Variants in VPS13A observed in about 807,000 individuals in gnomAD.
VPS13A encodes intermembrane lipid transfer protein VPS13A.
A neutral mutation model predicts 390.9 loss-of-function variants in VPS13A; 264 were observed. The observed-to-expected ratio is 0.68, with a 90% CI of 0.61 to 0.75. The LOEUF is 0.75. Ranked by LOEUF, VPS13A falls within the 30% of genes least tolerant of loss-of-function variation. The pLI is 0.00. For synonymous variants in VPS13A, 1,231 were observed against 1,227.1 expected, an observed-to-expected ratio of 1.00 and a Z score of -0.07; for missense variants, 3,409 against 3,733.9, an observed-to-expected ratio of 0.91 and a Z score of 2.27.
At chr9:77,281,795 T>A in intron 27 of VPS13A, 72 bp from the exon 28 acceptor site, 2 of 906,178 alleles carry the variant, frequency 2.2e-6, no homozygotes, top group Admixed American at 3.5e-5. Context: ...AAATGTGTAT[T>A]AGGACTATAA....
In VPS13A at chr9:77,330,481, A is replaced by G. The variant is rs181397703; in HGVS notation, c.5992-1529A>G. On this transcript the variant is annotated intron_variant, in intron 45 of 71. Transcript: ENST00000360280. ...CCGCACTAAATTTGAAAGGGAAAAC[A>G]AAGGAAGCAATATCAGACTTTGGTA... 2.9e-3 allele frequency among the ~76,000 whole-genome samples: 437 copies of G among 152,338 alleles called. 2 individuals carry two copies. The highest frequency in any genetic ancestry group is 2.6e-3 in the Non-Finnish European group (174 of 68,028).
rs888585343 is a variant in VPS13A, at chr9:77,420,460, A to T, written c.*4454A>T. The T allele has an allele frequency of 6.6e-6, 1 of 152,032 alleles. No individual in the cohort carries two copies. Among genetic ancestry groups the T allele is most frequent in the South Asian group, 2.1e-4 (1 of 4,834 alleles). 9.4% of individuals were successfully genotyped at this position (152,032 alleles called of 1,614,324 possible). On this transcript the variant is annotated 3_prime_UTR_variant, in exon 72 of 72. Transcript: ENST00000360280. ...AGAATTACAGATTAGTTCTTTTTTT[A>T]AAGCATTATGGCATTTTCAAAAAAA...
At chr9:77,313,921 A>G (rs1304316899) in intron 35 of VPS13A, 71 bp from the exon 36 acceptor site, 9 of 1,456,460 alleles carry the variant, frequency 6.2e-6, no homozygotes, top group Admixed American at 1.9e-5. Context: ...TATTAAATCT[A>G]TTTCAAGGGT....
intron 17 of VPS13A, among the ~76,000 whole-genome samples, chr9:77,235,756 A>C (rs1481000111): frequency 6.6e-6 from 1 of 152,044 alleles, no homozygotes; most frequent in Non-Finnish European, 1.5e-5. Flanking sequence ...CAGACTCAAT[A>C]ATTTCAGTTG....
At chr9:77,227,686 T>C (rs979812049) in intron 16 of VPS13A, among the ~76,000 whole-genome samples, 1 of 150,208 alleles carries the variant, frequency 6.7e-6, no homozygotes, top group Non-Finnish European at 1.5e-5. Context: ...TAGCTAATTT[T>C]TGTGGTTTTT....
At chr9:77,345,705 A>G (rs1313329983) in intron 52 of VPS13A, among the ~76,000 whole-genome samples, 1 of 151,980 alleles carries the variant, frequency 6.6e-6, no homozygotes, top group African/African-American at 2.4e-5. Context: ...TCTTGAATTT[A>G]TTTTGTTTCC....
chr9:77,403,988 A>G (rs1465388849), intron 69 of VPS13A, among the ~76,000 whole-genome samples: 3 of 152,208 alleles, frequency 2.0e-5, no homozygotes, highest in African/African-American at 7.2e-5. Flanking sequence ...GTAAAGTTAT[A>G]TGAGCATTGT....
chr9:77,213,518 A>G (rs1296378702), intron 9 of VPS13A, among the ~76,000 whole-genome samples: 1 of 147,930 alleles, frequency 6.8e-6, no homozygotes, highest in African/African-American at 2.5e-5. Flanking sequence ...TTTTTTTGAG[A>G]CAAGGTCTTG....
intron 5 of VPS13A, among the ~76,000 whole-genome samples, chr9:77,209,175 A>C (rs1002714162): frequency 2.0e-5 from 3 of 152,184 alleles, no homozygotes; most frequent in African/African-American, 7.2e-5. Flanking sequence ...GGCATAGGTT[A>C]ACAGAAATTA....
At chr9:77,212,180 G>A (rs1826008425) in intron 7 of VPS13A, among the ~76,000 whole-genome samples, 1 of 152,114 alleles carries the variant, frequency 6.6e-6, no homozygotes, top group South Asian at 2.1e-4. Context: ...ATTCCTCTCA[G>A]TGGCTTTTCA....
rs754515755 is a variant in VPS13A at position 77,319,550 on chromosome 9, A to G, written c.5314-22A>G. The G allele has an allele frequency of 2.1e-6, 3 of 1,462,482 alleles. No homozygotes were observed. In the South Asian group the frequency reaches 3.4e-5, roughly 17 times the overall value. 90.6% of individuals were successfully genotyped at this position (1,462,482 alleles called of 1,614,324 possible). ...GAAACAGGATGGAAGATCATTTTTAATTTAAAAAATTCTCTCTGTAGGTGC... is the reference window on the plus strand; with the variant it reads ...GAAACAGGATGGAAGATCATTTTTAGTTTAAAAAATTCTCTCTGTAGGTGC... On this transcript the variant is annotated intron_variant, in intron 41 of 71. Transcript: ENST00000360280.
chr9:77,228,610 A>T (rs1297218960), intron 17 of VPS13A, among the ~76,000 whole-genome samples: 1 of 152,160 alleles, frequency 6.6e-6, no homozygotes, highest in Non-Finnish European at 1.5e-5. Flanking sequence ...ATTCATTTAA[A>T]GTGTGTGGTT....
At chr9:77,181,193 G>A (rs1823994876) in intron 1 of VPS13A, among the ~76,000 whole-genome samples, 2 of 151,846 alleles carry the variant, frequency 1.3e-5, no homozygotes, top group South Asian at 4.2e-4. Context: ...TAAATTTGGA[G>A]GATTTTTTAA....
At chr9:77,247,100 G>T (rs1014202199) in intron 19 of VPS13A, among the ~76,000 whole-genome samples, 159 bp from the exon 20 acceptor site, 1 of 151,930 alleles carries the variant, frequency 6.6e-6, no homozygotes, top group South Asian at 2.1e-4. Flanking sequence ...GCATTGGCAG[G>T]TATTTTAAAT....
chr9:77,252,139 C>T (rs1298255093), intron 21 of VPS13A, 96 bp from the exon 22 acceptor site: 11 of 1,014,484 alleles, frequency 1.1e-5, no homozygotes, highest in African/African-American at 7.9e-5. Context: ...GGGAAATTTC[C>T]TCATATAATG....
rs1835213258 is a variant in VPS13A, at chr9:77,417,733, T to A, written c.*1727T>A. On this transcript the variant is annotated 3_prime_UTR_variant, in exon 72 of 72. Transcript: ENST00000360280. ...GAAAAATTACAGTCCCCTGCCTCCC[T>A]GGGTGTAGTGTCGTGAAGTAGAAAA... The A allele has an allele frequency of 6.6e-6, 1 of 152,180 alleles. No homozygotes were observed. Among genetic ancestry groups the A allele is most frequent in the Admixed American group, 6.5e-5 (1 of 15,276 alleles). The allele number at this position is 152,180 out of a possible 1,614,324, so 9.4% of individuals were successfully genotyped here.
intron 68 of VPS13A, 147 bp downstream of exon 68, chr9:77,382,234 T>C: frequency 1.4e-6 from 2 of 1,425,618 alleles, no homozygotes; most frequent in Non-Finnish European, 1.9e-6. Flanking sequence ...ACTTAGATTT[T>C]AAAGTACATT....
intron 21 of VPS13A, among the ~76,000 whole-genome samples, chr9:77,250,952 G>A (rs549818946): frequency 6.6e-6 from 1 of 152,290 alleles, no homozygotes; most frequent in East Asian, 1.9e-4. Flanking sequence ...AGTAAAATTT[G>A]ATCTGTTGAA....
chr9:77,303,750 T>C (rs1315190189), intron 34 of VPS13A, among the ~76,000 whole-genome samples: 3 of 152,214 alleles, frequency 2.0e-5, no homozygotes, highest in Non-Finnish European at 4.4e-5. Context: ...GACGTGCACG[T>C]AAGCCAGATT....
Sources: allele counts gnomAD v4.1 joint callset (sites outside exome capture counted in the v4.1 genomes callset), GRCh38; gene constraint gnomAD v4.1.1; transcripts MANE v1.5; gene names NCBI Gene and HGNC (gene_info 2026-07-23, HGNC 2026-07-21).